THNSL1: variants seen among roughly 807,000 people sequenced by gnomAD.
THNSL1 encodes threonine synthase like 1, also known as threonine synthase-like 1.
THNSL1 carries 48 observed loss-of-function variants against 50.4 expected under a neutral mutation model. The observed-to-expected ratio is 0.95, with a 90% CI of 0.76 to 1.21. The LOEUF (loss-of-function observed/expected upper bound fraction) is 1.21, where lower values mean the gene tolerates loss of function less well. THNSL1 is among the 50% of genes most tolerant of loss of function. THNSL1 has a pLI of 0.00. For synonymous variants in THNSL1, 309 were observed against 306.1 expected, an observed-to-expected ratio of 1.01 and a Z score of -0.10; for missense variants, 896 against 871.7, an observed-to-expected ratio of 1.03 and a Z score of -0.35.
the THNSL1 span, among the ~76,000 whole-genome samples, chr10:25,006,488 G>A: frequency 6.6e-6 from 1 of 152,042 alleles, no homozygotes; most frequent in Non-Finnish European, 1.5e-5. Flanking sequence ...TTTCTTCCTT[G>A]ATGGGCTGGC....
the THNSL1 span, among the ~76,000 whole-genome samples, chr10:24,967,917 G>GTGTGTATGATGTGTGTGTATATGTGTGTA: frequency 1.3e-5 from 2 of 150,614 alleles, no homozygotes; most frequent in African/African-American, 2.4e-5. Context: ...ATGTGTATAC[G>GTGTGTATGATGTGTGTGTATATGTGTGTA]TGTGTATGAT....
At chr10:24,974,416 T>G in the THNSL1 span, among the ~76,000 whole-genome samples, 1 of 152,200 alleles carries the variant, frequency 6.6e-6, no homozygotes, top group Non-Finnish European at 1.5e-5. Context: ...ATTCACTCAC[T>G]ATACTTTAAT....
the THNSL1 span, among the ~76,000 whole-genome samples, chr10:24,968,533 T>C: frequency 1.7e-4 from 26 of 152,294 alleles, no homozygotes; most frequent in African/African-American, 5.8e-4. Flanking sequence ...GGTGCCGTAC[T>C]TAGACCTGCC....
chr10:24,986,828 C>A, the THNSL1 span, among the ~76,000 whole-genome samples: 8 of 152,076 alleles, frequency 5.3e-5, no homozygotes, highest in Non-Finnish European at 1.0e-4. Context: ...TTCATTATTT[C>A]ATCTAAAAAG....
intron 1 of THNSL1, among the ~76,000 whole-genome samples, chr10:25,017,217 C>A (rs748943874): frequency 6.6e-6 from 1 of 152,176 alleles, no homozygotes; most frequent in Non-Finnish European, 1.5e-5. Context: ...TTTTTGGTGT[C>A]CCTTGTTGGA....
chr10:24,966,583 T>C, the THNSL1 span, among the ~76,000 whole-genome samples: 1 of 152,196 alleles, frequency 6.6e-6, no homozygotes, highest in Non-Finnish European at 1.5e-5. Flanking sequence ...TCACTCCACA[T>C]GTGTAAGGAT....
chr10:24,979,282 TG>T, the THNSL1 span, among the ~76,000 whole-genome samples: 1 of 152,236 alleles, frequency 6.6e-6, no homozygotes, highest in Non-Finnish European at 1.5e-5. Context: ...ATGCTAATGT[TG>T]TGGCTGGTAT....
chr10:24,988,382 ATGTGTATATATTTATATATG>A, the THNSL1 span, among the ~76,000 whole-genome samples: 5 of 144,912 alleles, frequency 3.5e-5, no homozygotes, highest in African/African-American at 7.6e-5. Flanking sequence ...ATATGTATAT[ATGTGTATATATTTATATATG>A]TGTATATATA....
chr10:25,016,730 C>T (rs115938923), intron 1 of THNSL1, 38 bp downstream of exon 1: 2,666 of 152,450 alleles, frequency 0.017, 84 homozygotes, highest in African/African-American at 0.061. Context: ...TTTAGCGGCT[C>T]GTGGACACTG....
At chr10:24,994,360 G>A in the THNSL1 span, among the ~76,000 whole-genome samples, 1 of 136,346 alleles carries the variant, frequency 7.3e-6, no homozygotes, top group African/African-American at 2.8e-5. Context: ...TTGACACCGA[G>A]TCTCGCTCTG....
At chr10:24,960,188 A>G in the THNSL1 span, among the ~76,000 whole-genome samples, 1 of 152,150 alleles carries the variant, frequency 6.6e-6, no homozygotes, top group Non-Finnish European at 1.5e-5. Flanking sequence ...GGTAGCTTGC[A>G]AAGGTAATTG....
the THNSL1 span, among the ~76,000 whole-genome samples, chr10:24,968,854 C>A: frequency 6.6e-6 from 1 of 152,162 alleles, no homozygotes. Flanking sequence ...ATCACTCACT[C>A]CGCCTCTATT....
the THNSL1 span, among the ~76,000 whole-genome samples, chr10:24,998,928 A>G: frequency 6.6e-6 from 1 of 152,200 alleles, no homozygotes; most frequent in Non-Finnish European, 1.5e-5. Context: ...ATTGCAGTCC[A>G]GTTAGTCTTA....
the THNSL1 span, among the ~76,000 whole-genome samples, chr10:24,993,956 C>T: frequency 6.6e-6 from 1 of 152,068 alleles, no homozygotes; most frequent in East Asian, 1.9e-4. Context: ...GTGAGTTTTC[C>T]ACTTTTCCCT....
chr10:25,024,936 C>G lies in THNSL1; in HGVS notation c.1713C>G (p.Asn571Lys). Residue 571 changes from asparagine to lysine, a missense_variant, in exon 3 of 3, where the codon AAC (asparagine) becomes AAG (lysine). Asn to Lys is a moderately conservative substitution (Grantham distance 94). Coordinates refer to ENST00000376356, the MANE Select transcript of THNSL1 (RefSeq NM_024838.5). ...CAATAGATATTCTCAAATCTTCAAA[C>G]CTAGAACGACATTTACACTTGATGG... ...SPSIDILKSS[N>K]LERHLHLMAN... The G allele has an allele frequency of 6.2e-7, 1 of 1,613,928 alleles. No homozygotes were observed. Among genetic ancestry groups the G allele is most frequent in the Non-Finnish European group, 8.5e-7 (1 of 1,180,010 alleles).
At chr10:24,999,143 G>C in the THNSL1 span, among the ~76,000 whole-genome samples, 1 of 152,174 alleles carries the variant, frequency 6.6e-6, no homozygotes, top group Admixed American at 6.6e-5. Flanking sequence ...CCCACAGCTA[G>C]GGACTAAGAT....
At chr10:24,960,701 C>T in the THNSL1 span, among the ~76,000 whole-genome samples, 14 of 152,130 alleles carry the variant, frequency 9.2e-5, no homozygotes, top group Non-Finnish European at 1.5e-5. Flanking sequence ...TGCACCCTCA[C>T]CACGCCTAAT....
the THNSL1 span, among the ~76,000 whole-genome samples, chr10:24,979,860 T>C: frequency 6.6e-6 from 1 of 152,232 alleles, no homozygotes; most frequent in Non-Finnish European, 1.5e-5. Context: ...GTTTCCCCAG[T>C]TCAGAAAATG....
the THNSL1 span, among the ~76,000 whole-genome samples, chr10:24,957,224 A>T: frequency 6.6e-6 from 1 of 152,220 alleles, no homozygotes; most frequent in African/African-American, 2.4e-5. Flanking sequence ...TCAACTTTTT[A>T]AAATTCCACA....
Sources: allele counts gnomAD v4.1 joint callset (sites outside exome capture counted in the v4.1 genomes callset), GRCh38; gene constraint gnomAD v4.1.1; transcripts MANE v1.5; gene names NCBI Gene and HGNC (gene_info 2026-07-23, HGNC 2026-07-21).